The following LARGE1 variants were observed in gnomAD, a reference collection of about 807,000 sequenced individuals.
LARGE1 encodes xylosyl- and glucuronyltransferase LARGE1.
Under a neutral mutation model 87.6 loss-of-function variants are expected in LARGE1, and 43 were observed. The observed-to-expected ratio is 0.49, with a 90% CI of 0.38 to 0.63. The LOEUF (loss-of-function observed/expected upper bound fraction) is 0.63, where lower values mean the gene tolerates loss of function less well. Ranked by LOEUF, LARGE1 falls within the 30% of genes least tolerant of loss-of-function variation. The pLI, the probability that LARGE1 is intolerant of heterozygous loss-of-function variation, is 0.00. For missense variants in LARGE1, 802 were observed against 1,000.2 expected (o/e 0.80, Z 2.67); for synonymous variants, 434 against 394.6 (o/e 1.10, Z -1.18).
chr22:33,336,656 T>C (rs1938482003), intron 10 of LARGE1, among the ~76,000 whole-genome samples: 1 of 152,174 alleles, frequency 6.6e-6, no homozygotes, highest in Admixed American at 6.5e-5. Context: ...TTAAAGTGCC[T>C]CTTCTCTATA....
At chr22:33,623,030 T>G (rs1417104186) in intron 4 of LARGE1, among the ~76,000 whole-genome samples, 1 of 152,168 alleles carries the variant, frequency 6.6e-6, no homozygotes, top group Non-Finnish European at 1.5e-5. Flanking sequence ...GGAATAAAAT[T>G]TATACACAAC....
At chr22:33,831,300 T>C (rs1388961997) in intron 1 of LARGE1, among the ~76,000 whole-genome samples, 5 of 151,894 alleles carry the variant, frequency 3.3e-5, no homozygotes, top group Non-Finnish European at 7.4e-5. Flanking sequence ...AAAAAAGGAG[T>C]GTCAAGGAAA....
At chr22:33,225,360 A>C (rs1277275594) in intron 11 of LARGE1, among the ~76,000 whole-genome samples, 1 of 152,206 alleles carries the variant, frequency 6.6e-6, no homozygotes, top group African/African-American at 2.4e-5. Flanking sequence ...AAGGAGATCA[A>C]TGATTGAGCA....
chr22:33,536,972 T>C (rs1049204353), intron 6 of LARGE1, among the ~76,000 whole-genome samples: 3 of 152,136 alleles, frequency 2.0e-5, no homozygotes, highest in African/African-American at 7.2e-5. Flanking sequence ...CCACCACGCC[T>C]GGCTAATTTT....
intron 2 of LARGE1, among the ~76,000 whole-genome samples, chr22:33,720,025 G>A (rs1255289267): frequency 1.3e-5 from 2 of 152,126 alleles, no homozygotes; most frequent in Non-Finnish European, 2.9e-5. Flanking sequence ...GACAAAGGTT[G>A]GGGGAAGGGG....
chr22:33,713,143 G>C (rs975976994), intron 2 of LARGE1, among the ~76,000 whole-genome samples: 1 of 152,050 alleles, frequency 6.6e-6, no homozygotes. Context: ...AAAGAGTAGG[G>C]GGATAGATAT....
chr22:33,828,675 C>A (rs954118638), intron 1 of LARGE1, among the ~76,000 whole-genome samples: 4 of 152,206 alleles, frequency 2.6e-5, no homozygotes, highest in African/African-American at 9.6e-5. Context: ...ACACTGAAGT[C>A]TAAAGTCCCA....
At chr22:33,782,101 G>A (rs2085441809) in intron 1 of LARGE1, among the ~76,000 whole-genome samples, 1 of 152,160 alleles carries the variant, frequency 6.6e-6, no homozygotes, top group South Asian at 2.1e-4. Context: ...TTAGCCAGAG[G>A]GCAAAGGATA....
intron 11 of LARGE1, among the ~76,000 whole-genome samples, chr22:33,233,542 C>G (rs16992002): frequency 0.031 from 4,726 of 152,142 alleles, 244 homozygotes; most frequent in African/African-American, 0.11. Context: ...TGGGGGGCCT[C>G]AGACCATGGA....
chr22:33,148,200 G>A, the LARGE1 span, among the ~76,000 whole-genome samples: 9 of 152,132 alleles, frequency 5.9e-5, no homozygotes, highest in African/African-American at 2.2e-4. Flanking sequence ...TTCAGAGCCT[G>A]GAGCCAAATA....
At chr22:33,310,654 T>C (rs998536265) in intron 11 of LARGE1, among the ~76,000 whole-genome samples, 2 of 152,152 alleles carry the variant, frequency 1.3e-5, no homozygotes, top group Non-Finnish European at 2.9e-5. Context: ...AAATTAAAAA[T>C]CAATCCAACA....
At chr22:33,189,491 A>T (rs1365103448) in intron 11 of LARGE1, among the ~76,000 whole-genome samples, 1 of 152,022 alleles carries the variant, frequency 6.6e-6, no homozygotes, top group Non-Finnish European at 1.5e-5. Flanking sequence ...ACATACACAC[A>T]CTCACGATAC....
intron 3 of LARGE1, among the ~76,000 whole-genome samples, chr22:33,645,523 A>G (rs1410034022): frequency 6.6e-6 from 1 of 152,238 alleles, no homozygotes; most frequent in Non-Finnish European, 1.5e-5. Flanking sequence ...CATTCAGGAT[A>G]TAGTCATGGG....
intron 5 of LARGE1, among the ~76,000 whole-genome samples, chr22:33,584,817 G>A (rs2078622889): frequency 6.6e-6 from 1 of 152,192 alleles, no homozygotes; most frequent in South Asian, 2.1e-4. Context: ...AGAAGTCACA[G>A]ATGAAAAAGA....
chr22:33,638,351 A>C (rs2080330037), intron 3 of LARGE1, among the ~76,000 whole-genome samples: 1 of 152,264 alleles, frequency 6.6e-6, no homozygotes, highest in African/African-American at 2.4e-5. Flanking sequence ...AGTCTGGAGA[A>C]TAATTTAAAA....
intron 11 of LARGE1, among the ~76,000 whole-genome samples, chr22:33,190,396 T>TGCA (rs1923713768): frequency 6.6e-6 from 1 of 152,234 alleles, no homozygotes. Context: ...CAGCTCCTTC[T>TGCA]GCAGCTGCAA....
At chr22:33,141,906 C>T in the LARGE1 span, among the ~76,000 whole-genome samples, 1,072 of 152,282 alleles carry the variant, frequency 7.0e-3, 8 homozygotes, top group African/African-American at 0.024. Context: ...ACATATTCTA[C>T]ATTTTTTATA....
chr22:33,740,260 C>T (rs1447267392), intron 2 of LARGE1, among the ~76,000 whole-genome samples: 1 of 152,156 alleles, frequency 6.6e-6, no homozygotes, highest in Admixed American at 6.5e-5. Context: ...TCCCCAGATA[C>T]TTAGGTGCCC....
At chr22:33,219,999 TA>T (rs1925382662) in intron 11 of LARGE1, among the ~76,000 whole-genome samples, 1 of 152,208 alleles carries the variant, frequency 6.6e-6, no homozygotes, top group Admixed American at 6.5e-5. Context: ...TACTTTCTCA[TA>T]AAAGTCCACT....
Sources: gnomAD v4.1 joint callset for allele counts (sites outside exome capture counted in the v4.1 genomes callset) on GRCh38, gnomAD v4.1.1 for gene constraint, MANE v1.5 for transcripts, NCBI Gene and HGNC (gene_info 2026-07-23, HGNC 2026-07-21) for gene names.